ABRAXAS1: variants seen among roughly 807,000 people sequenced by gnomAD.
The protein encoded by ABRAXAS1 is BRCA1-A complex subunit Abraxas 1.
A neutral mutation model predicts 38.4 loss-of-function variants in ABRAXAS1; 26 were observed. The ratio of observed to expected loss-of-function variants is 0.68; its 90% CI spans 0.50 to 0.94. The LOEUF is 0.94. Ranked by LOEUF, ABRAXAS1 falls within the 40% of genes least tolerant of loss-of-function variation. ABRAXAS1 has a pLI of 0.00. For missense variants in ABRAXAS1, 438 were observed against 481.9 expected (o/e 0.91, Z 0.85); for synonymous variants, 144 against 165.5 (o/e 0.87, Z 1.00).
At chr4:83,480,399 C>CATATAT (rs745759995) in intron 2 of ABRAXAS1, 3 of 402,858 alleles carry the variant, frequency 7.4e-6, no homozygotes, top group Admixed American at 5.8e-5. Context: ...TATATATACA[C>CATATAT]ATATATATAC....
intron 2 of ABRAXAS1, chr4:83,478,220 G>A: frequency 2.9e-6 from 2 of 688,332 alleles, no homozygotes; most frequent in Non-Finnish European, 5.5e-6. Context: ...TCCAGGTGAT[G>A]TGGCAGGCAC....
In ABRAXAS1 at chr4:83,461,793, TCTAAA is replaced by T. The variant is rs1722128759; in HGVS notation, c.*671_*675del. 4.4e-6 allele frequency: 1 copy of T among 228,958 alleles called. No homozygotes were observed. Among genetic ancestry groups the T allele is most frequent in the Non-Finnish European group, 8.7e-6 (1 of 115,596 alleles). 14.2% of individuals were successfully genotyped at this position (228,958 alleles called of 1,614,324 possible). On this transcript the variant is annotated 3_prime_UTR_variant, in exon 9 of 9. Transcript: ENST00000321945. ...ATTTGCTAAATTTCATGCAAAGGAC[TCTAAA>T]CTAGGGGAGAGATTACTGTTTGTGT...
At chr4:83,471,526 A>C (rs1158175895) in intron 4 of ABRAXAS1, among the ~76,000 whole-genome samples, 5 of 152,104 alleles carry the variant, frequency 3.3e-5, no homozygotes, top group East Asian at 1.9e-4. Context: ...TCTTTCAATT[A>C]ATCTATTTTT....
At position 83,460,074 on chromosome 4, in the gene ABRAXAS1, T is replaced by TAC; in HGVS notation, c.*2394_*2395insGT. 1 of 237,768 alleles carries TAC rather than the reference T, an allele frequency of 4.2e-6. No homozygotes were observed. The highest frequency in any genetic ancestry group is 5.5e-5 in the Admixed American group (1 of 18,028). 14.7% of individuals were successfully genotyped at this position (237,768 alleles called of 1,614,324 possible). A position where few individuals can be genotyped will look rare whatever the true frequency, so the allele number is the denominator to read the frequency against. Reference sequence around the variant, plus strand: ...CTATAATCATTCCTAGATTGATACTTAAACTTGGTGTCAGCAAACTATGGC... The same window carrying TAC: ...CTATAATCATTCCTAGATTGATACTTACAAACTTGGTGTCAGCAAACTATGGC... On this transcript the variant is annotated 3_prime_UTR_variant, in exon 9 of 9. Coordinates refer to ENST00000321945, the MANE Select transcript of ABRAXAS1 (RefSeq NM_139076.3).
At chr4:83,468,930 GA>G (rs1244702442) in intron 6 of ABRAXAS1, 101 bp downstream of exon 6, 2 of 1,355,988 alleles carry the variant, frequency 1.5e-6, no homozygotes, top group African/African-American at 2.9e-5. Context: ...TTGAGTAATG[GA>G]TTAATTTTCC....
chr4:83,459,609 T>A lies in ABRAXAS1; in HGVS notation c.*2860A>T. 1 of 740,750 alleles carries A rather than the reference T, an allele frequency of 1.3e-6. No individual in the cohort carries two copies. The highest frequency in any genetic ancestry group is 2.2e-6 in the Non-Finnish European group (1 of 453,398). 45.9% of individuals were successfully genotyped at this position (740,750 alleles called of 1,614,324 possible). ...ACAGGAGGATAACAATATTTTTTTC[T>A]TATATTTTATGAAATGTGTCTGAAA... is the stretch of plus-strand genomic sequence containing the variant. On this transcript the variant is annotated 3_prime_UTR_variant, in exon 9 of 9. Coordinates refer to ENST00000321945, the MANE Select transcript of ABRAXAS1 (RefSeq NM_139076.3).
intron 3 of ABRAXAS1, among the ~76,000 whole-genome samples, chr4:83,473,900 G>A (rs1722673659): frequency 6.6e-6 from 1 of 151,716 alleles, no homozygotes; most frequent in Non-Finnish European, 1.5e-5. Flanking sequence ...GGGAGGCTGA[G>A]GTGGGTGGAT....
intron 3 of ABRAXAS1, among the ~76,000 whole-genome samples, chr4:83,473,166 G>A (rs1488043993): frequency 6.6e-6 from 1 of 152,076 alleles, no homozygotes; most frequent in East Asian, 1.9e-4. Flanking sequence ...TGTAGTCCCA[G>A]TTTCTAGAGA....
chr4:83,478,283 A>C, intron 2 of ABRAXAS1: 1 of 657,124 alleles, frequency 1.5e-6, no homozygotes, highest in Non-Finnish European at 2.9e-6. Context: ...CTATAAGGGC[A>C]CTTTGGATGG....
At position 83,459,528 on chromosome 4, in the gene ABRAXAS1, CT is replaced by C; in HGVS notation, c.*2940del. ...CCATTGAATGAATATGCTGATTAAT[CT>C]GCTGTTTAATTATATATAGACTTGA... is the stretch of plus-strand genomic sequence containing the variant. On this transcript the variant is annotated 3_prime_UTR_variant, in exon 9 of 9. Transcript: ENST00000321945. 1 of 456,498 alleles carries C rather than the reference CT, an allele frequency of 2.2e-6. No individual in the cohort carries two copies. Among genetic ancestry groups the C allele is most frequent in the Non-Finnish European group, 3.9e-6 (1 of 255,458 alleles). 28.3% of individuals were successfully genotyped at this position (456,498 alleles called of 1,614,324 possible). A position where few individuals can be genotyped will look rare whatever the true frequency, so the allele number is the denominator to read the frequency against.
At chr4:83,468,346 G>GA (rs1206651437) in intron 6 of ABRAXAS1, among the ~76,000 whole-genome samples, 1 of 148,110 alleles carries the variant, frequency 6.8e-6, no homozygotes, top group East Asian at 2.0e-4. Context: ...GTGCACCTCA[G>GA]AATCAATGAA....
rs763021007 is a variant in ABRAXAS1 at position 83,469,063 on chromosome 4, T to C, written c.565A>G (p.Thr189Ala). 6.2e-7 allele frequency: 1 copy of C among 1,613,524 alleles called. No homozygotes were observed. Among genetic ancestry groups the C allele is most frequent in the Admixed American group, 1.7e-5 (1 of 60,010 alleles). Residue 189 changes from threonine (T) to alanine (A), a missense_variant, in exon 6 of 9, where the codon ACT becomes GCT. Physicochemically the swap from Thr to Ala is moderately conservative, Grantham distance 58 (BLOSUM62 0). Coordinates refer to ENST00000321945, the MANE Select transcript of ABRAXAS1 (RefSeq NM_139076.3). Reference protein sequence around the residue: ...YKTVSGSCMSTGFSRAVQTHS... With the variant: ...YKTVSGSCMSAGFSRAVQTHS... ...GTTTGTACTGCTCGGCTAAAACCAG[T>C]GGACATACAGGAACCTGATACAGTT...
In ABRAXAS1 at chr4:83,470,236, C is replaced by G; in HGVS notation, c.443G>C (p.Arg148Pro). The change falls in exon 5 of 9, where the codon CGA becomes CCA. Residue 148 changes from arginine to proline, a missense_variant. Coordinates refer to ENST00000321945, the MANE Select transcript of ABRAXAS1 (RefSeq NM_139076.3). ...AGGTTTATATAAGGAATGTTCCAGT[C>G]GATGAGTAGAGCAGCTTTCTGTTAT... ...SIITESCSTHRLEHSLYKPQK... is the reference protein window; with the variant it reads ...SIITESCSTHPLEHSLYKPQK... 6.2e-7 allele frequency: 1 copy of G among 1,613,406 alleles called. No homozygotes were observed.
At position 83,460,916 on chromosome 4, in the gene ABRAXAS1, AT is replaced by A; in HGVS notation, c.*1552del. ...GGGAGACTCCATCTCAAAAAAAAAA[AT>A]TGCAAACTTTAAATATTGACATTTT... On this transcript the variant is annotated 3_prime_UTR_variant, in exon 9 of 9. Transcript: ENST00000321945. 6.9e-7 allele frequency: 1 copy of A among 1,447,488 alleles called. No homozygotes were observed. Among genetic ancestry groups the A allele is most frequent in the Non-Finnish European group, 9.5e-7 (1 of 1,052,298 alleles). The allele number at this position is 1,447,488 out of a possible 1,614,324, so 89.7% of individuals were successfully genotyped here. A position where few individuals can be genotyped will look rare whatever the true frequency, so the allele number is the denominator to read the frequency against.
At chr4:83,468,886 G>A in intron 6 of ABRAXAS1, 146 bp downstream of exon 6, 1 of 850,264 alleles carries the variant, frequency 1.2e-6, no homozygotes, top group Non-Finnish European at 1.9e-6. Flanking sequence ...AGCAGTAACA[G>A]GAGTATGAGG....
chr4:83,468,940 C>A, intron 6 of ABRAXAS1, 92 bp downstream of exon 6: 1 of 1,446,834 alleles, frequency 6.9e-7, no homozygotes. Context: ...GATTAATTTT[C>A]CCTTGAATTT....
chr4:83,468,340 ACCT>A (rs1722454642), intron 6 of ABRAXAS1, among the ~76,000 whole-genome samples: 5 of 150,204 alleles, frequency 3.3e-5, no homozygotes, highest in African/African-American at 9.8e-5. Flanking sequence ...GAAAATGTGC[ACCT>A]CAGAATCAAT....
intron 1 of ABRAXAS1, 70 bp from the exon 2 acceptor site, chr4:83,482,314 C>G: frequency 2.1e-6 from 2 of 967,564 alleles, no homozygotes; most frequent in Non-Finnish European, 3.1e-6. Flanking sequence ...AACCGTATTT[C>G]CTGAGTATTT....
At chr4:83,468,937 T>C in intron 6 of ABRAXAS1, 95 bp downstream of exon 6, 1 of 1,441,072 alleles carries the variant, frequency 6.9e-7, no homozygotes, top group South Asian at 1.2e-5. Context: ...ATGGATTAAT[T>C]TTCCCTTGAA....
Sources: allele counts gnomAD v4.1 joint callset (sites outside exome capture counted in the v4.1 genomes callset), GRCh38; gene constraint gnomAD v4.1.1; transcripts MANE v1.5; gene names NCBI Gene and HGNC (gene_info 2026-07-23, HGNC 2026-07-21).